The following TAFA2 variants were observed in gnomAD, a reference collection of about 807,000 sequenced individuals.
The protein encoded by TAFA2 is chemokine-like protein TAFA-2.
Under a neutral mutation model 18.8 loss-of-function variants are expected in TAFA2, and 7 were observed. The observed-to-expected ratio is 0.37, with a 90% confidence interval of 0.21 to 0.70. TAFA2 has a LOEUF of 0.70. TAFA2 is among the 30% of genes least tolerant of loss of function. TAFA2 has a pLI of 0.53. For missense variants in TAFA2, 122 were observed against 158.1 expected (o/e 0.77, Z 1.23); for synonymous variants, 60 against 54.2 (o/e 1.11, Z -0.47).
In TAFA2 at chr12:61,987,565, C is replaced by A. The variant is rs374690335; in HGVS notation, c.-1-120139G>T. Among the ~76,000 whole-genome samples the A allele has an allele frequency of 5.3e-5, 8 of 152,304 alleles. No individual in the cohort carries two copies. The East Asian group carries it at 1.5e-3, about 29-fold the overall frequency. On this transcript the variant is annotated intron_variant, in intron 1 of 4. Coordinates refer to ENST00000416284, the MANE Select transcript of TAFA2 (RefSeq NM_178539.5). ...ATATTATTCCCTGCAAGATGCCAAA[C>A]TACCACAAGTCCAGAAAAGTCTGCA...
At chr12:62,193,538 A>G (rs1283769072), upstream of TAFA2, among the ~76,000 whole-genome samples, 1 of 152,214 alleles carries the variant, frequency 6.6e-6, no homozygotes, top group African/African-American at 2.4e-5. Context: ...TATGTGCTTC[A>G]CTTAGCTATT....
intron 1 of TAFA2, among the ~76,000 whole-genome samples, chr12:62,160,280 A>G (rs1312671412): frequency 6.6e-6 from 1 of 152,334 alleles, no homozygotes; most frequent in Middle Eastern, 3.4e-3. Context: ...CAATGTGTCT[A>G]TGAGTATGCA....
intron 2 of TAFA2, among the ~76,000 whole-genome samples, chr12:61,756,934 C>T (rs2120772449): frequency 6.6e-6 from 1 of 152,090 alleles, no homozygotes; most frequent in Admixed American, 6.6e-5. Context: ...GCAAAGATGG[C>T]CAGGGTGGCT....
chr12:62,058,920 G>A (rs1156390155), intron 1 of TAFA2, among the ~76,000 whole-genome samples: 1 of 152,042 alleles, frequency 6.6e-6, no homozygotes, highest in East Asian at 1.9e-4. Context: ...TGGCTAACAC[G>A]GTGAAACCCC....
intron 1 of TAFA2, among the ~76,000 whole-genome samples, chr12:61,974,857 G>A (rs894324020): frequency 3.3e-5 from 5 of 151,712 alleles, no homozygotes; most frequent in Non-Finnish European, 5.9e-5. Flanking sequence ...AGCCTCTTAC[G>A]TCTCAATCTC....
chr12:61,937,469 G>A (rs1043629385), intron 1 of TAFA2, among the ~76,000 whole-genome samples: 8 of 152,078 alleles, frequency 5.3e-5, no homozygotes, highest in African/African-American at 1.9e-4. Flanking sequence ...ATAGACTAGT[G>A]CAACAGAATA....
At chr12:62,018,360 T>C (rs1023387125) in intron 1 of TAFA2, among the ~76,000 whole-genome samples, 8 of 152,222 alleles carry the variant, frequency 5.3e-5, no homozygotes, top group African/African-American at 1.4e-4. Context: ...TCCATGTATA[T>C]GATTAAGTGA....
chr12:61,849,969 C>A (rs1873573948), intron 2 of TAFA2, among the ~76,000 whole-genome samples: 1 of 151,926 alleles, frequency 6.6e-6, no homozygotes, highest in African/African-American at 2.4e-5. Context: ...TCATTAATGA[C>A]AAAAAATAGC....
intron 1 of TAFA2, among the ~76,000 whole-genome samples, chr12:61,908,192 T>C (rs1189048067): frequency 6.6e-6 from 1 of 152,056 alleles, no homozygotes; most frequent in Non-Finnish European, 1.5e-5. Context: ...ATGATATGGT[T>C]TGTGTCCCCA....
At chr12:62,113,842 C>T (rs1013016148) in intron 1 of TAFA2, among the ~76,000 whole-genome samples, 2 of 152,212 alleles carry the variant, frequency 1.3e-5, no homozygotes, top group Non-Finnish European at 2.9e-5. Context: ...CGCCCCTCCC[C>T]CAACCAAGCT....
chr12:62,197,772 T>C (rs1406526543), upstream of TAFA2, among the ~76,000 whole-genome samples: 2 of 152,222 alleles, frequency 1.3e-5, no homozygotes, highest in Admixed American at 6.5e-5. Flanking sequence ...TTGTTGTACA[T>C]AGCAATAGGT....
At chr12:62,135,515 G>A (rs1379904898) in intron 1 of TAFA2, among the ~76,000 whole-genome samples, 1 of 151,942 alleles carries the variant, frequency 6.6e-6, no homozygotes, top group Admixed American at 6.6e-5. Context: ...CTATTACAAG[G>A]TTGAAAAGAT....
At chr12:62,002,446 G>C (rs543375898) in intron 1 of TAFA2, among the ~76,000 whole-genome samples, 12 of 152,248 alleles carry the variant, frequency 7.9e-5, no homozygotes, top group African/African-American at 2.9e-4. Flanking sequence ...CTAGCTACAA[G>C]TGAGGTGCAC....
chr12:61,767,205 T>C (rs1011461763), intron 2 of TAFA2, among the ~76,000 whole-genome samples: 15 of 152,114 alleles, frequency 9.9e-5, no homozygotes, highest in Non-Finnish European at 1.8e-4. Context: ...ACCTAGGATA[T>C]CTTGATTTTG....
At chr12:61,768,915 TGCTTTCTCAGCAG>T (rs2120833228) in intron 2 of TAFA2, among the ~76,000 whole-genome samples, 1 of 152,158 alleles carries the variant, frequency 6.6e-6, no homozygotes, top group African/African-American at 2.4e-5. Context: ...AAGCCCTGCC[TGCTTTCTCAGCAG>T]GGAGGCTTGT....
chr12:61,784,180 C>G (rs181787674), intron 2 of TAFA2, among the ~76,000 whole-genome samples: 2 of 151,336 alleles, frequency 1.3e-5, no homozygotes, highest in African/African-American at 4.8e-5. Flanking sequence ...AAATAAGACC[C>G]CTCTTTACAA....
chr12:62,136,845 G>A (rs1318588967), intron 1 of TAFA2, among the ~76,000 whole-genome samples: 1 of 152,094 alleles, frequency 6.6e-6, no homozygotes, highest in Admixed American at 6.6e-5. Context: ...AATGTTTGGG[G>A]GGACATGCAC....
At chr12:62,236,863 A>G (rs1182736920) in intron 1 of TAFA2, among the ~76,000 whole-genome samples, 5 of 151,994 alleles carry the variant, frequency 3.3e-5, no homozygotes, top group Non-Finnish European at 5.9e-5. Context: ...CTTTTTTCTC[A>G]CTACTTTTAG....
At chr12:61,953,966 T>G (rs1426273273) in intron 1 of TAFA2, among the ~76,000 whole-genome samples, 1 of 152,238 alleles carries the variant, frequency 6.6e-6, no homozygotes, top group Non-Finnish European at 1.5e-5. Context: ...TTGCATTTGT[T>G]TTTTATTTTT....
Sources: allele counts gnomAD v4.1 joint callset (sites outside exome capture counted in the v4.1 genomes callset), GRCh38; gene constraint gnomAD v4.1.1; transcripts MANE v1.5; gene names NCBI Gene and HGNC (gene_info 2026-07-23, HGNC 2026-07-21).